Variants in NFIC observed in about 807,000 individuals in gnomAD.
NFIC encodes the protein nuclear factor I C, also known as nuclear factor 1 C-type.
A neutral mutation model predicts 54.4 loss-of-function variants in NFIC; 12 were observed. The ratio of observed to expected loss-of-function variants is 0.22; its 90% confidence interval spans 0.14 to 0.36. NFIC has a LOEUF of 0.36. Among genes scored for constraint, NFIC ranks in the 10% least tolerant of loss-of-function variants. The pLI is 1.00. For synonymous variants in NFIC, 322 were observed against 319.2 expected (o/e 1.01, Z -0.09); for missense variants, 575 against 718.2 (o/e 0.80, Z 2.28).
chr19:3,453,467 G>A lies in NFIC; in HGVS notation c.1270-296G>A, dbSNP rs1186246963. Among the ~76,000 whole-genome samples, 1 of 152,196 alleles carries A rather than the reference G, an allele frequency of 6.6e-6. No individual in the cohort carries two copies. Among genetic ancestry groups the A allele is most frequent in the African/African-American group, 2.4e-5 (1 of 41,446 alleles). Reference sequence around the variant, plus strand: ...GAGAACCTGCTGTTAGGAGGCGGTGGCACTGTTTGGAAGGAAATCAGTCGA... The same window carrying A: ...GAGAACCTGCTGTTAGGAGGCGGTGACACTGTTTGGAAGGAAATCAGTCGA... On this transcript the variant is annotated intron_variant, in intron 8 of 10. Transcript: ENST00000443272. This position sits in a 1 kb window ranked among gnomAD's most constrained non-coding sequence, Gnocchi z 6.7.
intron 10 of NFIC, among the ~76,000 whole-genome samples, chr19:3,461,080 G>A (rs571335352): frequency 4.0e-5 from 6 of 151,810 alleles, no homozygotes; most frequent in African/African-American, 9.7e-5. Context: ...AGCCAAGATC[G>A]TGCCACTGCA....
chr19:3,435,029 C>T, intron 5 of NFIC, 54 bp from the exon 6 acceptor site: 2 of 1,506,824 alleles, frequency 1.3e-6, no homozygotes, highest in Non-Finnish European at 1.8e-6. Context: ...GCCGTCGCGC[C>T]CCCCGCCCCG....
At chr19:3,419,975 A>G (rs2081928288) in intron 2 of NFIC, among the ~76,000 whole-genome samples, 1 of 152,004 alleles carries the variant, frequency 6.6e-6, no homozygotes, top group East Asian at 1.9e-4. Context: ...CAAGGACACC[A>G]CTTTCCCCAT....
intron 1 of NFIC, among the ~76,000 whole-genome samples, chr19:3,379,768 C>A (rs2081170956): frequency 6.9e-6 from 1 of 144,888 alleles, no homozygotes. Flanking sequence ...TGGCTCACTG[C>A]AGCCTTGACC....
At chr19:3,382,804 T>C (rs899975794) in intron 2 of NFIC, among the ~76,000 whole-genome samples, 16 of 150,786 alleles carry the variant, frequency 1.1e-4, no homozygotes, top group African/African-American at 3.9e-4. Context: ...CTAATGCAAG[T>C]GATATGGTGC....
intron 2 of NFIC, among the ~76,000 whole-genome samples, chr19:3,402,783 A>C (rs747999256): frequency 1.3e-5 from 2 of 152,322 alleles, no homozygotes; most frequent in East Asian, 1.9e-4. Flanking sequence ...GTTTAGACAG[A>C]GGGAACAGAA....
At chr19:3,429,832 C>T (rs1009201217) in intron 3 of NFIC, among the ~76,000 whole-genome samples, 4 of 152,206 alleles carry the variant, frequency 2.6e-5, no homozygotes, top group African/African-American at 9.6e-5. Context: ...GGCCTTTGCA[C>T]GGGCTGTTCC....
intron 7 of NFIC, among the ~76,000 whole-genome samples, chr19:3,449,394 A>C: frequency 6.7e-6 from 1 of 150,022 alleles, no homozygotes; most frequent in South Asian, 2.1e-4. Flanking sequence ...ACTTCACCTC[A>C]CTCCCCTCAC....
intron 6 of NFIC, among the ~76,000 whole-genome samples, chr19:3,442,933 G>A (rs143879594): frequency 2.3e-3 from 347 of 152,366 alleles, no homozygotes; most frequent in Non-Finnish European, 3.5e-3. Context: ...TCCTCACCCA[G>A]GGCGATGCTG....
chr19:3,411,983 A>G (rs893028053), intron 2 of NFIC, among the ~76,000 whole-genome samples: 1 of 152,238 alleles, frequency 6.6e-6, no homozygotes, highest in Non-Finnish European at 1.5e-5. Flanking sequence ...AGCACATTTC[A>G]GAGGGTGTCT....
chr19:3,442,532 G>A (rs969134629), intron 6 of NFIC, among the ~76,000 whole-genome samples: 2 of 152,002 alleles, frequency 1.3e-5, no homozygotes, highest in Admixed American at 6.6e-5. Context: ...GACTACAGGC[G>A]CCTGCCACCA....
rs2082615328 is a variant in NFIC at position 3,459,877 on chromosome 19, A to G, written c.1510-2875A>G. Among the ~76,000 whole-genome samples the G allele has an allele frequency of 6.6e-6, 1 of 152,144 alleles. No homozygotes were observed. Among genetic ancestry groups the G allele is most frequent in the Non-Finnish European group, 1.5e-5 (1 of 68,006 alleles). On this transcript the variant is annotated intron_variant, in intron 10 of 10. Transcript: ENST00000443272. The surrounding 1 kb of genome is among the most constrained non-coding windows in gnomAD (Gnocchi z 4.2). ...TGCCTGGTTGGAGGGGCTCTGTTGA[A>G]TGATTTGCTGCAGCGGTGGGGGGCG...
At chr19:3,385,123 C>T (rs1289042743) in intron 2 of NFIC, among the ~76,000 whole-genome samples, 3 of 150,734 alleles carry the variant, frequency 2.0e-5, no homozygotes, top group Non-Finnish European at 4.4e-5. Context: ...CAGCCTGCCC[C>T]CTTCATCCCC....
At chr19:3,380,482 T>C (rs2081188631) in intron 1 of NFIC, among the ~76,000 whole-genome samples, 1 of 151,548 alleles carries the variant, frequency 6.6e-6, no homozygotes. Flanking sequence ...TGCTCCAATA[T>C]GCCTGGCTAC....
At position 3,453,403 on chromosome 19, in the gene NFIC, T is replaced by C. The variant is rs1265484753; in HGVS notation, c.1270-360T>C. On this transcript the variant is annotated intron_variant, in intron 8 of 10. Coordinates refer to ENST00000443272, the MANE Select transcript of NFIC (RefSeq NM_001245002.2). The surrounding 1 kb of genome is among the most constrained non-coding windows in gnomAD (Gnocchi z 6.7). ...CCACGGGCCAGGCCGTGGATGATGGTGGATGATGGCGTGCTCGCAGTGAAT... is the reference window on the plus strand; with the variant it reads ...CCACGGGCCAGGCCGTGGATGATGGCGGATGATGGCGTGCTCGCAGTGAAT... 1.3e-5 allele frequency among the ~76,000 whole-genome samples: 2 copies of C among 152,078 alleles called. No homozygotes were observed. The highest frequency in any genetic ancestry group is 2.9e-5 in the Non-Finnish European group (2 of 68,010).
intron 7 of NFIC, among the ~76,000 whole-genome samples, chr19:3,451,632 T>TAAAAAAAA (rs542068323): frequency 2.3e-5 from 3 of 131,510 alleles, no homozygotes; most frequent in African/African-American, 8.3e-5. Flanking sequence ...TTCTATCTCT[T>TAAAAAAAA]AAAAAAAAAA....
At chr19:3,439,658 G>A (rs1042815974) in intron 6 of NFIC, among the ~76,000 whole-genome samples, 2 of 149,890 alleles carry the variant, frequency 1.3e-5, no homozygotes, top group Non-Finnish European at 3.0e-5. Flanking sequence ...ACTCTGCCTT[G>A]ATATCCCAGT....
intron 1 of NFIC, among the ~76,000 whole-genome samples, chr19:3,360,049 G>A (rs895147135): frequency 2.7e-5 from 4 of 148,530 alleles, no homozygotes; most frequent in African/African-American, 9.8e-5. Context: ...GGCCCTGGGC[G>A]CACGACCCCC....
At chr19:3,407,531 T>C (rs1185802310) in intron 2 of NFIC, among the ~76,000 whole-genome samples, 2 of 152,040 alleles carry the variant, frequency 1.3e-5, no homozygotes, top group Non-Finnish European at 2.9e-5. Context: ...GCCTCCCGGG[T>C]TCGAGCAATT....
Sources: allele counts gnomAD v4.1 joint callset (sites outside exome capture counted in the v4.1 genomes callset), GRCh38; gene constraint gnomAD v4.1.1; non-coding constraint Gnocchi (gnomAD v3.1); transcripts MANE v1.5; gene names NCBI Gene and HGNC (gene_info 2026-07-23, HGNC 2026-07-21).